Variants in ABCA10 observed in about 807,000 individuals in gnomAD.
The protein encoded by ABCA10 is ATP binding cassette subfamily A member 10, also known as ATP-binding cassette sub-family A member 10.
A neutral mutation model predicts 187.5 loss-of-function variants in ABCA10; 169 were observed. That is an observed-to-expected ratio of 0.90 (90% CI 0.80 to 1.02). The LOEUF is 1.02. ABCA10 is among the 50% of genes least tolerant of loss of function. ABCA10 has a pLI of 0.00. For synonymous variants in ABCA10, 574 were observed against 601.8 expected (o/e 0.95, Z 0.68); for missense variants, 1,727 against 1,812.4 (o/e 0.95, Z 0.86).
At chr17:69,188,326 T>G (rs9889351) in intron 18 of ABCA10, among the ~76,000 whole-genome samples, 12,759 of 151,994 alleles carry the variant, frequency 0.084, 1,848 homozygotes, top group African/African-American at 0.29. Context: ...GGAAAGTTCA[T>G]GGAAAGGCCT....
chr17:69,152,273 G>C, intron 35 of ABCA10, 89 bp downstream of exon 35: 1 of 1,572,372 alleles, frequency 6.4e-7, no homozygotes, highest in Non-Finnish European at 8.6e-7. Flanking sequence ...TACAGGTTAG[G>C]GAGCTGTAGA....
In ABCA10 at chr17:69,193,212, G is replaced by A. The variant is rs767597130; in HGVS notation, c.1678C>T (p.Pro560Ser). 1.9e-6 allele frequency: 3 copies of A among 1,613,988 alleles called. No homozygotes were observed. The highest frequency in any genetic ancestry group is 1.1e-5 in the South Asian group (1 of 91,044). The change falls in exon 15 of 39, where the codon CCC (proline) becomes TCC (serine). Residue 560 changes from proline to serine, a missense_variant. Physicochemically the swap from Pro to Ser is moderately conservative, Grantham distance 74. Transcript: ENST00000690296. ...CTCCACACTCGGTGTCTTGAAAAGG[G>A]ATCCAATCCAGCAGTTGGTTCATCT... Reference protein sequence around the residue: ...LLDEPTAGLDPFSRHRVWSLL... With the variant: ...LLDEPTAGLDSFSRHRVWSLL...
intron 1 of ABCA10, among the ~76,000 whole-genome samples, chr17:69,227,877 G>A (rs2074806202): frequency 6.6e-6 from 1 of 151,822 alleles, no homozygotes; most frequent in Non-Finnish European, 1.5e-5. Context: ...GATACATACA[G>A]ATTAAAACCA....
Position 69,191,322 on chromosome 17 carries a change from T to C in ABCA10, c.1872-7A>G, listed in dbSNP as rs746828754. Reference sequence around the variant, plus strand: ...CATTTCATTCCTGTGTAAACTATTATTTCAAAAGAGCCATAAGTCTCTTGA... The same window carrying C: ...CATTTCATTCCTGTGTAAACTATTACTTCAAAAGAGCCATAAGTCTCTTGA... On this transcript the variant is annotated splice_region_variant and splice_polypyrimidine_tract_variant and intron_variant, in intron 16 of 38. Coordinates refer to ENST00000690296, the MANE Select transcript of ABCA10 (RefSeq NM_001377321.1). The C allele has an allele frequency of 1.3e-6, 2 of 1,532,734 alleles. No individual in the cohort carries two copies. The highest frequency in any genetic ancestry group is 2.6e-5 in the South Asian group (2 of 77,270). 94.9% of individuals were successfully genotyped at this position (1,532,734 alleles called of 1,614,324 possible).
intron 9 of ABCA10, among the ~76,000 whole-genome samples, chr17:69,208,417 C>CAAAAAAAAAAAAAA (rs67858017): frequency 1.1e-5 from 1 of 89,422 alleles, no homozygotes; most frequent in African/African-American, 4.5e-5. Context: ...GACTCTGTCT[C>CAAAAAAAAAAAAAA]AAAAAAAAAA....
chr17:69,216,271 AAAT>A lies in ABCA10; in HGVS notation c.615_617del (p.Phe206del). The A allele has an allele frequency of 1.2e-6, 2 of 1,613,746 alleles. No individual in the cohort carries two copies. Among genetic ancestry groups the A allele is most frequent in the Non-Finnish European group, 1.7e-6 (2 of 1,179,770 alleles). ...TGAATATCACCATGAAGCCAGTATGAAATACAATTGGGATTGATGTTATGACCA... is the reference window on the plus strand; with the variant it reads ...TGAATATCACCATGAAGCCAGTATGAACAATTGGGATTGATGTTATGACCA... On this transcript the variant is annotated inframe_deletion, in exon 7 of 39. Transcript: ENST00000690296.
intron 9 of ABCA10, among the ~76,000 whole-genome samples, chr17:69,211,865 C>A (rs2074663529): frequency 6.6e-6 from 1 of 152,028 alleles, no homozygotes; most frequent in Non-Finnish European, 1.5e-5. Flanking sequence ...ATATTTGGAT[C>A]TTCTCTCTTT....
At chr17:69,211,963 G>A (rs1010911707) in intron 9 of ABCA10, among the ~76,000 whole-genome samples, 1 of 151,590 alleles carries the variant, frequency 6.6e-6, no homozygotes, top group African/African-American at 2.4e-5. Flanking sequence ...TGTATTTTTT[G>A]TTTCAATTTC....
chr17:69,184,989 A>G (rs1463655567), intron 20 of ABCA10, among the ~76,000 whole-genome samples: 1 of 151,970 alleles, frequency 6.6e-6, no homozygotes, highest in African/African-American at 2.4e-5. Flanking sequence ...TGAAGTAATG[A>G]CATTTGTAGC....
intron 2 of ABCA10, 115 bp from the exon 3 acceptor site, chr17:69,225,644 G>C (rs1050191647): frequency 1.7e-5 from 6 of 351,978 alleles, no homozygotes; most frequent in African/African-American, 8.4e-5. Context: ...CTTCATTTCA[G>C]TCTGTAATTT....
chr17:69,209,114 T>C (rs924072297), intron 9 of ABCA10, among the ~76,000 whole-genome samples: 1 of 152,190 alleles, frequency 6.6e-6, no homozygotes, highest in Admixed American at 6.5e-5. Flanking sequence ...ACAGAATGAG[T>C]GCATACAGAA....
chr17:69,149,912 T>C, intron 37 of ABCA10, 72 bp downstream of exon 37: 1 of 1,166,842 alleles, frequency 8.6e-7, no homozygotes, highest in Non-Finnish European at 1.2e-6. Flanking sequence ...TACTTCAAAT[T>C]ACATAGTCTA....
intron 25 of ABCA10, among the ~76,000 whole-genome samples, chr17:69,169,748 T>G (rs553669279): frequency 7.6e-4 from 115 of 152,190 alleles, no homozygotes; most frequent in Non-Finnish European, 1.3e-3. Context: ...CAAGTGGATA[T>G]ATAAATATGA....
At chr17:69,222,406 G>T in intron 4 of ABCA10, 127 bp downstream of exon 4, 1 of 794,140 alleles carries the variant, frequency 1.3e-6, no homozygotes, top group Non-Finnish European at 1.8e-6. Flanking sequence ...AAAGACTGAT[G>T]ATTAAGTTCA....
chr17:69,179,136 C>G (rs759068260), intron 22 of ABCA10: 1 of 150,050 alleles, frequency 6.7e-6, no homozygotes, highest in Non-Finnish European at 1.5e-5. Flanking sequence ...GAGCCGAGAT[C>G]ACACCATTGC....
chr17:69,188,229 T>G (rs2074436687), intron 18 of ABCA10, among the ~76,000 whole-genome samples: 1 of 152,096 alleles, frequency 6.6e-6, no homozygotes, highest in Non-Finnish European at 1.5e-5. Flanking sequence ...GCCTCCTCTG[T>G]CATCTGGAAT....
At position 69,225,410 on chromosome 17, in the gene ABCA10, G is replaced by A; in HGVS notation, c.-52C>T. ...GTGTATATGCCACTACCAGGCCAGA[G>A]TCATTAAACTGATCCACGCTTCCCA... On this transcript the variant is annotated 5_prime_UTR_variant, in exon 3 of 39. Coordinates refer to ENST00000690296, the MANE Select transcript of ABCA10 (RefSeq NM_001377321.1). The A allele has an allele frequency of 6.3e-7, 1 of 1,591,246 alleles. No individual in the cohort carries two copies. The highest frequency in any genetic ancestry group is 8.6e-7 in the Non-Finnish European group (1 of 1,161,154).
At chr17:69,241,429 C>T (rs906390684) in intron 1 of ABCA10, among the ~76,000 whole-genome samples, 1 of 152,206 alleles carries the variant, frequency 6.6e-6, no homozygotes, top group Non-Finnish European at 1.5e-5. Context: ...CTGTTCCTTT[C>T]AAATATGCCT....
intron 9 of ABCA10, among the ~76,000 whole-genome samples, chr17:69,202,411 C>T (rs895767427): frequency 6.6e-6 from 1 of 151,862 alleles, no homozygotes; most frequent in East Asian, 1.9e-4. Flanking sequence ...CCTAAGAATA[C>T]AACAAAAGCA....
Sources: allele counts gnomAD v4.1 joint callset (sites outside exome capture counted in the v4.1 genomes callset), GRCh38; gene constraint gnomAD v4.1.1; transcripts MANE v1.5; gene names NCBI Gene and HGNC (gene_info 2026-07-23, HGNC 2026-07-21).